Variants in TRIO observed in about 807,000 individuals in gnomAD.
The protein encoded by TRIO is triple functional domain protein.
Under a neutral mutation model 351.9 loss-of-function variants are expected in TRIO, and 58 were observed. That is an observed-to-expected ratio of 0.16 (90% confidence interval 0.13 to 0.21). TRIO has a LOEUF of 0.21. Ranked by LOEUF, TRIO falls within the 10% of genes least tolerant of loss-of-function variation. The pLI is 1.00. For missense variants in TRIO, 3,201 were observed against 4,027.8 expected (o/e 0.79, Z 5.56); for synonymous variants, 1,758 against 1,595.7 (o/e 1.10, Z -2.42).
chr5:14,331,188 T>C (rs1561350461), intron 10 of TRIO, among the ~76,000 whole-genome samples: 1 of 152,238 alleles, frequency 6.6e-6, no homozygotes, highest in Non-Finnish European at 1.5e-5. Context: ...GAAATTCCAG[T>C]TTATAATCAG....
chr5:14,418,587 G>A (rs1579598585), intron 33 of TRIO, among the ~76,000 whole-genome samples: 1 of 152,218 alleles, frequency 6.6e-6, no homozygotes, highest in African/African-American at 2.4e-5. Context: ...GGGAGGGCAT[G>A]ATGAGTCATG....
At chr5:14,330,942 T>C in intron 10 of TRIO, 42 bp downstream of exon 10, 1 of 1,608,164 alleles carries the variant, frequency 6.2e-7, no homozygotes, top group Non-Finnish European at 8.5e-7. Context: ...TAAATACCCG[T>C]GTGGTTGATT....
Position 14,306,120 on chromosome 5 carries a change from T to G in TRIO, c.1500+1528T>G, listed in dbSNP as rs372986867. 1.2e-4 allele frequency among the ~76,000 whole-genome samples: 18 copies of G among 152,372 alleles called. 1 individual carries two copies. The highest frequency in any genetic ancestry group is 6.8e-3 in the Middle Eastern group (2 of 294). ...TCCCTGATACCACGTGATGTCTAAC[T>G]GTATATTTGCTTCAGAATGTGGGCA... On this transcript the variant is annotated intron_variant, in intron 8 of 56. Transcript: ENST00000344204.
chr5:14,174,760 A>G (rs1789306630), intron 1 of TRIO, among the ~76,000 whole-genome samples: 1 of 152,218 alleles, frequency 6.6e-6, no homozygotes, highest in Non-Finnish European at 1.5e-5. Context: ...TTTAGTCTAC[A>G]GTCGAGACCT....
intron 33 of TRIO, among the ~76,000 whole-genome samples, chr5:14,415,906 T>TA (rs565714185): frequency 6.6e-5 from 10 of 152,044 alleles, no homozygotes; most frequent in African/African-American, 2.4e-4. Context: ...TTGAAAGGTT[T>TA]AAAAAAATCT....
rs764247547 is a variant in TRIO, at chr5:14,496,923, C to A, written c.7925C>A (p.Ser2642Tyr). The change falls in exon 50 of 57, where the codon TCT becomes TAT. Residue 2642 changes from serine to tyrosine, a missense_variant. Ser to Tyr is a moderately radical substitution (Grantham distance 144). This residue lies in a region of TRIO where 1,089 missense variants were observed against 954.9 expected (regional missense o/e 1.14). Transcript: ENST00000344204. Reference protein sequence around the residue: ...WHTALRLRKKSEKKDKDGKRE... With the variant: ...WHTALRLRKKYEKKDKDGKRE... ...ACAGCACTCCGTTTAAGGAAAAAAT[C>A]TGAGAAAAAAGATAAAGACGGCAAA... The A allele has an allele frequency of 6.2e-7, 1 of 1,614,106 alleles. No homozygotes were observed. Among genetic ancestry groups the A allele is most frequent in the East Asian group, 2.2e-5 (1 of 44,864 alleles).
At chr5:14,353,500 G>A (rs1013221909) in intron 11 of TRIO, among the ~76,000 whole-genome samples, 1 of 152,004 alleles carries the variant, frequency 6.6e-6, no homozygotes, top group African/African-American at 2.4e-5. Context: ...CTGACCTCAG[G>A]TGATCTGCCC....
At chr5:14,419,120 G>A (rs1156407184) in intron 33 of TRIO, among the ~76,000 whole-genome samples, 1 of 152,146 alleles carries the variant, frequency 6.6e-6, no homozygotes, top group East Asian at 1.9e-4. Flanking sequence ...CAGGACCTCT[G>A]GGAAACGAGC....
chr5:14,431,430 T>C (rs907839876), intron 34 of TRIO, among the ~76,000 whole-genome samples: 9 of 152,228 alleles, frequency 5.9e-5, no homozygotes, highest in Non-Finnish European at 1.0e-4. Context: ...GAGAGGACAG[T>C]AAACAGGCTC....
intron 49 of TRIO, among the ~76,000 whole-genome samples, chr5:14,496,567 C>T (rs924783309): frequency 1.3e-5 from 2 of 152,174 alleles, no homozygotes; most frequent in African/African-American, 4.8e-5. Flanking sequence ...TCAGAAACAC[C>T]CTCACAGGAA....
chr5:14,426,719 G>A (rs1750671225), intron 34 of TRIO, among the ~76,000 whole-genome samples: 1 of 152,226 alleles, frequency 6.6e-6, no homozygotes, highest in African/African-American at 2.4e-5. Flanking sequence ...AAGCGGAGGA[G>A]ATGGGCCTTC....
At chr5:14,347,493 A>G (rs1478713444) in intron 11 of TRIO, among the ~76,000 whole-genome samples, 1 of 152,262 alleles carries the variant, frequency 6.6e-6, no homozygotes, top group African/African-American at 2.4e-5. Context: ...CACGTAACCT[A>G]TTCAGGACTT....
At chr5:14,219,146 G>C (rs939117994) in intron 1 of TRIO, among the ~76,000 whole-genome samples, 1 of 152,192 alleles carries the variant, frequency 6.6e-6, no homozygotes, top group Admixed American at 6.5e-5. Flanking sequence ...AGCAGAGCCA[G>C]TGGCATAAGA....
intron 41 of TRIO, among the ~76,000 whole-genome samples, chr5:14,478,461 G>C (rs975175737): frequency 6.6e-6 from 1 of 152,264 alleles, no homozygotes; most frequent in Middle Eastern, 3.4e-3. Context: ...GCCACTGAAA[G>C]GACTCAGGGG....
chr5:14,398,430 T>G (rs1023900191), intron 29 of TRIO, among the ~76,000 whole-genome samples: 3 of 151,992 alleles, frequency 2.0e-5, no homozygotes, highest in African/African-American at 7.3e-5. Flanking sequence ...GAGCAGAGTG[T>G]CTGGGAAGGA....
Position 14,497,004 on chromosome 5 carries a change from A to G in TRIO, c.8006A>G (p.Lys2669Arg). 6.2e-7 allele frequency: 1 copy of G among 1,614,200 alleles called. No homozygotes were observed. Among genetic ancestry groups the G allele is most frequent in the Non-Finnish European group, 8.5e-7 (1 of 1,180,022 alleles). The change falls in exon 50 of 57, where the codon AAG becomes AGG. Residue 2669 changes from lysine (K) to arginine (R), a missense_variant. By Grantham distance (26) the Lys-to-Arg change is conservative. Around this residue, in one of 19 missense-constraint regions of TRIO, gnomAD observed 1,089 missense variants for 954.9 expected, o/e 1.14. Transcript: ENST00000344204. This position sits in a 1 kb window ranked among gnomAD's most constrained non-coding sequence, Gnocchi z 4.4. ...YRKSREGLSN[K>R]VSVKLLNPNY... The stretch of plus-strand genomic sequence containing the variant: ...AAGTCACGGGAAGGACTCAGCAACA[A>G]GGTATCTGTGAAGGTGTGTTCGGGG...
At chr5:14,406,792 C>T (rs1748759088) in intron 33 of TRIO, 120 bp downstream of exon 33, 1 of 960,824 alleles carries the variant, frequency 1.0e-6, no homozygotes, top group South Asian at 1.5e-5. Flanking sequence ...TTGATACGTG[C>T]CAGGAGTGGT....
intron 10 of TRIO, among the ~76,000 whole-genome samples, chr5:14,334,454 A>G (rs866640207): frequency 6.6e-6 from 1 of 152,198 alleles, no homozygotes; most frequent in African/African-American, 2.4e-5. Flanking sequence ...GGGACATTTT[A>G]AAAAATATCT....
chr5:14,482,807 A>G, intron 46 of TRIO, 34 bp downstream of exon 46: 1 of 1,491,070 alleles, frequency 6.7e-7, no homozygotes, highest in Non-Finnish European at 9.0e-7. Context: ...TCTCTGTGCC[A>G]GCGCATGTAC....
Sources: allele counts gnomAD v4.1 joint callset (sites outside exome capture counted in the v4.1 genomes callset), GRCh38; gene constraint gnomAD v4.1.1; regional missense constraint gnomAD v4.1.1; non-coding constraint Gnocchi (gnomAD v3.1); transcripts MANE v1.5; gene names NCBI Gene and HGNC (gene_info 2026-07-23, HGNC 2026-07-21).